COL19A1: variants seen among roughly 807,000 people sequenced by gnomAD.
COL19A1 encodes collagen alpha-1(XIX) chain.
Under a neutral mutation model 190.2 loss-of-function variants are expected in COL19A1, and 159 were observed. The ratio of observed to expected loss-of-function variants is 0.84; its 90% CI spans 0.73 to 0.95. The LOEUF is 0.95. Ranked by LOEUF, COL19A1 falls within the 40% of genes least tolerant of loss-of-function variation. COL19A1 has a pLI of 0.00. For synonymous variants in COL19A1, 509 were observed against 458.9 expected, an observed-to-expected ratio of 1.11 and a Z score of -1.39; for missense variants, 1,418 against 1,431.9, an observed-to-expected ratio of 0.99 and a Z score of 0.16.
intron 14 of COL19A1, among the ~76,000 whole-genome samples, chr6:70,042,018 T>C (rs772439259): frequency 3.3e-5 from 5 of 152,080 alleles, no homozygotes; most frequent in Admixed American, 6.6e-5. Context: ...TGAGCTGAGA[T>C]TGCACCGCTG....
At chr6:70,180,754 G>A (rs146221307) in intron 44 of COL19A1, among the ~76,000 whole-genome samples, 2 of 152,290 alleles carry the variant, frequency 1.3e-5, no homozygotes, top group African/African-American at 2.4e-5. Context: ...AGTTTTAAGT[G>A]TCAGGAAATC....
intron 11 of COL19A1, among the ~76,000 whole-genome samples, chr6:70,016,372 A>C (rs1223076442): frequency 7.7e-6 from 1 of 129,128 alleles, no homozygotes; most frequent in Non-Finnish European, 1.6e-5. Flanking sequence ...ATAATAAAAA[A>C]AAAAAAAAAA....
intron 9 of COL19A1, among the ~76,000 whole-genome samples, chr6:69,955,096 A>G (rs1471272517): frequency 6.6e-6 from 1 of 152,094 alleles, no homozygotes. Context: ...TAGTATTTTT[A>G]TGAAGTTTTA....
intron 15 of COL19A1, among the ~76,000 whole-genome samples, chr6:70,096,546 A>G (rs947783415): frequency 2.6e-5 from 4 of 152,308 alleles, no homozygotes; most frequent in African/African-American, 9.6e-5. Flanking sequence ...ACCATTTTAC[A>G]TCAATGAAAT....
chr6:70,136,222 A>G (rs549773710), intron 18 of COL19A1, among the ~76,000 whole-genome samples: 6 of 152,336 alleles, frequency 3.9e-5, no homozygotes, highest in Admixed American at 1.3e-4. Flanking sequence ...ATATACATAT[A>G]AAAATAAGCC....
At chr6:70,021,077 G>A (rs770137962) in intron 11 of COL19A1, among the ~76,000 whole-genome samples, 7 of 152,044 alleles carry the variant, frequency 4.6e-5, no homozygotes, top group Non-Finnish European at 7.4e-5. Context: ...TATTGAATGA[G>A]CGTTTTATAA....
intron 4 of COL19A1, among the ~76,000 whole-genome samples, chr6:69,903,575 C>T (rs1260070569): frequency 6.6e-6 from 1 of 152,188 alleles, no homozygotes; most frequent in Non-Finnish European, 1.5e-5. Flanking sequence ...TTACTAACTG[C>T]TTCCCAGTCC....
intron 34 of COL19A1, 42 bp downstream of exon 34, chr6:70,156,765 C>T (rs760312408): frequency 7.3e-6 from 11 of 1,501,752 alleles, no homozygotes; most frequent in Non-Finnish European, 1.0e-5. Flanking sequence ...AATATTGATT[C>T]TCTTTACGTG....
rs1291247807 is a variant in COL19A1 at position 70,016,238 on chromosome 6, G to T, written c.1027-7389G>T. Among the ~76,000 whole-genome samples, 9 of 35,696 alleles carry T rather than the reference G, an allele frequency of 2.5e-4. 1 individual carries two copies. Among genetic ancestry groups the T allele is most frequent in the African/African-American group, 1.8e-3 (9 of 5,064 alleles). The allele number at this position is 35,696 out of a possible 152,430, so 23.4% of individuals were successfully genotyped here. ...TGGTGGGGTCGGGGGAGGGGGGAGG[G>T]ATAGCATTGGGAGATATACCTAATG... On this transcript the variant is annotated intron_variant, in intron 11 of 50. Transcript: ENST00000620364.
intron 17 of COL19A1, among the ~76,000 whole-genome samples, chr6:70,127,066 A>G (rs1785245028): frequency 6.6e-6 from 1 of 152,212 alleles, no homozygotes; most frequent in East Asian, 1.9e-4. Flanking sequence ...ATGGCATTTC[A>G]TAATAGTTGA....
At chr6:69,895,574 G>T (rs1370079586) in intron 2 of COL19A1, among the ~76,000 whole-genome samples, 1 of 152,114 alleles carries the variant, frequency 6.6e-6, no homozygotes, top group Non-Finnish European at 1.5e-5. Context: ...AGCACTTCCC[G>T]CCAGACTGTT....
rs544475579 is a variant in COL19A1 at position 70,207,459 on chromosome 6, G to T, written c.*185G>T. 59 of 421,592 alleles carry T rather than the reference G, an allele frequency of 1.4e-4. No individual in the cohort carries two copies. In the East Asian group the frequency reaches 1.9e-3, roughly 14 times the overall value. The allele number at this position is 421,592 out of a possible 1,614,324, so 26.1% of individuals were successfully genotyped here. A position where few individuals can be genotyped will look rare whatever the true frequency, so the allele number is the denominator to read the frequency against. On this transcript the variant is annotated 3_prime_UTR_variant, in exon 51 of 51. Transcript: ENST00000620364. Reference sequence around the variant, plus strand: ...TAGCAATTGCAAATCAGCATTTTTTGATTTTTCCCAAATTCATTCCATATG... The same window carrying T: ...TAGCAATTGCAAATCAGCATTTTTTTATTTTTCCCAAATTCATTCCATATG...
chr6:70,005,404 G>C lies in COL19A1; in HGVS notation c.1027-18223G>C, dbSNP rs1582664225. Among the ~76,000 whole-genome samples, 3 of 152,066 alleles carry C rather than the reference G, an allele frequency of 2.0e-5. No individual in the cohort carries two copies. The South Asian group carries it at 6.2e-4, about 31-fold the overall frequency. The stretch of plus-strand genomic sequence containing the variant: ...TTGTTTATTTTTCTTTCAATGGTCA[G>C]GTACCTCTTCTGTAGGGCTGCTACG... On this transcript the variant is annotated intron_variant, in intron 11 of 50. Transcript: ENST00000620364.
At chr6:70,144,101 A>G in intron 23 of COL19A1, 109 bp from the exon 24 acceptor site, 2 of 875,818 alleles carry the variant, frequency 2.3e-6, no homozygotes, top group South Asian at 1.8e-5. Flanking sequence ...TTCTATTAAT[A>G]GGTTATATGT....
chr6:69,971,487 G>C (rs1347581591), intron 11 of COL19A1, among the ~76,000 whole-genome samples: 1 of 152,212 alleles, frequency 6.6e-6, no homozygotes, highest in Non-Finnish European at 1.5e-5. Flanking sequence ...TAGGACAGTA[G>C]CTGGAGAGGG....
chr6:70,178,029 A>C (rs1765922235), intron 42 of COL19A1, among the ~76,000 whole-genome samples: 1 of 152,200 alleles, frequency 6.6e-6, no homozygotes, highest in Admixed American at 6.5e-5. Context: ...CTAGCCTGCC[A>C]CTTAGTTGGA....
intron 11 of COL19A1, among the ~76,000 whole-genome samples, chr6:69,996,226 A>G (rs1429306501): frequency 6.6e-6 from 1 of 152,182 alleles, no homozygotes; most frequent in Non-Finnish European, 1.5e-5. Context: ...TAAAAATCAC[A>G]AAGGATAATA....
At chr6:69,959,427 C>T (rs1170606168) in intron 9 of COL19A1, among the ~76,000 whole-genome samples, 2 of 152,004 alleles carry the variant, frequency 1.3e-5, no homozygotes, top group African/African-American at 4.8e-5. Flanking sequence ...CGATTTTAGG[C>T]AAGAAGTCAC....
intron 14 of COL19A1, among the ~76,000 whole-genome samples, chr6:70,068,175 G>A (rs555937378): frequency 1.3e-5 from 2 of 151,790 alleles, no homozygotes; most frequent in South Asian, 2.1e-4. Flanking sequence ...CTTCACTGGC[G>A]GTGAACATTT....
Sources: gnomAD v4.1 joint callset for allele counts (sites outside exome capture counted in the v4.1 genomes callset) on GRCh38, gnomAD v4.1.1 for gene constraint, MANE v1.5 for transcripts, NCBI Gene and HGNC (gene_info 2026-07-23, HGNC 2026-07-21) for gene names.